SORCS3: variants seen among roughly 807,000 people sequenced by gnomAD.
SORCS3 encodes the protein VPS10 domain-containing receptor SorCS3.
SORCS3 carries 57 observed loss-of-function variants against 146.3 expected under a neutral mutation model. The observed-to-expected ratio is 0.39, with a 90% CI of 0.31 to 0.49. The LOEUF (loss-of-function observed/expected upper bound fraction) is 0.49. Ranked by LOEUF, SORCS3 falls within the 20% of genes least tolerant of loss-of-function variation. The pLI is 0.92. For synonymous variants in SORCS3, 653 were observed against 618.5 expected, an observed-to-expected ratio of 1.06 and a Z score of -0.83; for missense variants, 1,341 against 1,575.5, an observed-to-expected ratio of 0.85 and a Z score of 2.52.
At chr10:105,184,717 G>A (rs1419227591) in intron 14 of SORCS3, among the ~76,000 whole-genome samples, 1 of 152,152 alleles carries the variant, frequency 6.6e-6, no homozygotes, top group Non-Finnish European at 1.5e-5. Context: ...GAGTTTGGAT[G>A]TATATGTACA....
At chr10:104,925,966 G>T (rs1301224492) in intron 3 of SORCS3, among the ~76,000 whole-genome samples, 5 of 152,218 alleles carry the variant, frequency 3.3e-5, no homozygotes, top group Middle Eastern at 3.2e-3. Flanking sequence ...TTGTTTGAAA[G>T]AAATGAGCTA....
rs144774245 is a variant in SORCS3, at chr10:104,861,671, G to C, written c.695+18812G>C. On this transcript the variant is annotated intron_variant, in intron 2 of 26. Coordinates refer to ENST00000369701, the MANE Select transcript of SORCS3 (RefSeq NM_014978.3). ...TCAAGTTCTCCCTGAAGTGTCAAAG[G>C]GAAAGCATGGAGAGTGAAATGGCAG... Among the ~76,000 whole-genome samples, 9 of 152,262 alleles carry C rather than the reference G, an allele frequency of 5.9e-5. No homozygotes were observed. The East Asian group carries it at 1.7e-3, about 29-fold the overall frequency.
intron 5 of SORCS3, among the ~76,000 whole-genome samples, chr10:105,071,663 A>C (rs1045995633): frequency 1.3e-5 from 2 of 152,194 alleles, no homozygotes; most frequent in African/African-American, 4.8e-5. Flanking sequence ...TTATCCTTTG[A>C]GTTATGTACA....
chr10:104,941,437 TG>T (rs2019319604), intron 3 of SORCS3, among the ~76,000 whole-genome samples: 1 of 152,202 alleles, frequency 6.6e-6, no homozygotes, highest in Admixed American at 6.5e-5. Flanking sequence ...TCACTACACC[TG>T]GCCCTTGTTT....
chr10:105,248,027 T>G (rs949844847), intron 22 of SORCS3, among the ~76,000 whole-genome samples: 1 of 152,188 alleles, frequency 6.6e-6, no homozygotes. Flanking sequence ...GGCCACAGAT[T>G]GCACTCAGAA....
chr10:105,130,598 A>G (rs561309189), intron 7 of SORCS3, among the ~76,000 whole-genome samples: 5 of 152,258 alleles, frequency 3.3e-5, no homozygotes, highest in African/African-American at 1.2e-4. Context: ...ACACACACCC[A>G]GAGCAATATT....
intron 1 of SORCS3, among the ~76,000 whole-genome samples, chr10:104,731,288 T>G (rs1416767525): frequency 6.6e-6 from 1 of 152,208 alleles, no homozygotes. Context: ...ATAAATGATC[T>G]TTGGGGATAT....
intron 5 of SORCS3, among the ~76,000 whole-genome samples, chr10:105,069,668 T>G (rs1441771871): frequency 6.6e-6 from 1 of 152,200 alleles, no homozygotes; most frequent in Non-Finnish European, 1.5e-5. Context: ...TGGAGTAAAT[T>G]AATTTTCAGT....
chr10:105,179,536 T>A (rs1433366839), intron 14 of SORCS3, among the ~76,000 whole-genome samples: 3 of 152,218 alleles, frequency 2.0e-5, no homozygotes, highest in Admixed American at 2.0e-4. Context: ...GGGATCTTTT[T>A]ATGAAATTAA....
intron 8 of SORCS3, among the ~76,000 whole-genome samples, chr10:105,140,160 T>G (rs1198294145): frequency 6.6e-6 from 1 of 152,080 alleles, no homozygotes; most frequent in Non-Finnish European, 1.5e-5. Flanking sequence ...GAGTAAAATC[T>G]CAGGTTGGAC....
intron 8 of SORCS3, among the ~76,000 whole-genome samples, chr10:105,144,503 T>C (rs914840132): frequency 3.9e-5 from 6 of 152,202 alleles, no homozygotes; most frequent in Admixed American, 6.5e-5. Flanking sequence ...TTCACCATTG[T>C]TCACCTAGGA....
At chr10:104,718,860 T>C (rs2016510466) in intron 1 of SORCS3, among the ~76,000 whole-genome samples, 2 of 152,044 alleles carry the variant, frequency 1.3e-5, no homozygotes, top group African/African-American at 4.8e-5. Context: ...TTATTAAGAA[T>C]GTTGGAAAAA....
chr10:104,825,011 G>A (rs1029028473), intron 1 of SORCS3, among the ~76,000 whole-genome samples: 3 of 152,210 alleles, frequency 2.0e-5, no homozygotes, highest in East Asian at 1.9e-4. Context: ...CTGTCAGTGC[G>A]TGTCCACACA....
intron 2 of SORCS3, among the ~76,000 whole-genome samples, chr10:104,850,754 T>G (rs1050300065): frequency 6.6e-6 from 1 of 152,228 alleles, no homozygotes; most frequent in Non-Finnish European, 1.5e-5. Context: ...GAAATGATCT[T>G]TTGAAACTCT....
chr10:104,910,124 A>T (rs1378183857), intron 2 of SORCS3, among the ~76,000 whole-genome samples: 4 of 152,158 alleles, frequency 2.6e-5, no homozygotes, highest in Non-Finnish European at 5.9e-5. Context: ...GAAGTTGAAG[A>T]GGGAGGATGT....
chr10:104,966,543 C>T (rs988422846), intron 3 of SORCS3, among the ~76,000 whole-genome samples: 3 of 152,092 alleles, frequency 2.0e-5, no homozygotes, highest in African/African-American at 4.8e-5. Flanking sequence ...TGAGAACGTG[C>T]CCAAAACATT....
chr10:104,736,993 A>G (rs2016781942), intron 1 of SORCS3, among the ~76,000 whole-genome samples: 1 of 150,606 alleles, frequency 6.6e-6, no homozygotes, highest in Non-Finnish European at 1.5e-5. Flanking sequence ...ATGTGTTCTC[A>G]TTGTTCATTC....
chr10:104,771,830 G>C (rs1046966286), intron 1 of SORCS3, among the ~76,000 whole-genome samples: 1 of 151,562 alleles, frequency 6.6e-6, no homozygotes, highest in African/African-American at 2.4e-5. Context: ...AAGGACGATG[G>C]GGGAGGGAAA....
At chr10:105,214,997 A>T (rs2056656865) in intron 18 of SORCS3, among the ~76,000 whole-genome samples, 1 of 152,194 alleles carries the variant, frequency 6.6e-6, no homozygotes, top group African/African-American at 2.4e-5. Context: ...CTTTTGCTTT[A>T]TTCTGACCCT....
Sources: allele counts gnomAD v4.1 joint callset (sites outside exome capture counted in the v4.1 genomes callset), GRCh38; gene constraint gnomAD v4.1.1; transcripts MANE v1.5; gene names NCBI Gene and HGNC (gene_info 2026-07-23, HGNC 2026-07-21).